The following RBMS1 variants were observed in gnomAD, a reference collection of about 807,000 sequenced individuals.
The protein encoded by RBMS1 is RNA-binding motif, single-stranded-interacting protein 1.
In RBMS1, 17 loss-of-function variants were observed where a neutral mutation model predicts 62.3. That is an observed-to-expected ratio of 0.27 (90% CI 0.19 to 0.41). RBMS1 has a LOEUF of 0.41. RBMS1 is among the 10% of genes least tolerant of loss of function. The probability of loss-of-function intolerance (pLI) is 1.00; values close to 1 mark genes in which losing one functional copy is unlikely to be tolerated. For synonymous variants in RBMS1, 172 were observed against 170.0 expected, an observed-to-expected ratio of 1.01 and a Z score of -0.09; for missense variants, 334 against 504.5, an observed-to-expected ratio of 0.66 and a Z score of 3.24.
intron 2 of RBMS1, among the ~76,000 whole-genome samples, chr2:160,329,816 A>G (rs1032507547): frequency 1.3e-5 from 2 of 151,920 alleles, no homozygotes; most frequent in African/African-American, 4.8e-5. Context: ...GCATTTACCA[A>G]TCTTGTTTTG....
chr2:160,307,284 C>T (rs1038552193), intron 4 of RBMS1, among the ~76,000 whole-genome samples: 1 of 143,076 alleles, frequency 7.0e-6, no homozygotes, highest in African/African-American at 2.6e-5. Flanking sequence ...CATGTGACTG[C>T]AAACTGCTCA....
At chr2:160,486,149 C>T (rs1189315883) in intron 1 of RBMS1, among the ~76,000 whole-genome samples, 1 of 152,080 alleles carries the variant, frequency 6.6e-6, no homozygotes, top group Admixed American at 6.5e-5. Context: ...CAAATATACT[C>T]CCAATTGCAA....
At chr2:160,393,863 G>C (rs1262927898) in intron 1 of RBMS1, among the ~76,000 whole-genome samples, 1 of 151,960 alleles carries the variant, frequency 6.6e-6, no homozygotes, top group African/African-American at 2.4e-5. Flanking sequence ...CTGGGTTCTA[G>C]TCCTGGTTTT....
At chr2:160,282,952 A>T (rs1167421917) in intron 9 of RBMS1, 3 of 152,220 alleles carry the variant, frequency 2.0e-5, no homozygotes, top group Admixed American at 6.5e-5. Context: ...GAAATTCCAT[A>T]TGTATCTTAG....
intron 1 of RBMS1, among the ~76,000 whole-genome samples, chr2:160,436,807 T>C (rs1683130310): frequency 6.6e-6 from 1 of 152,168 alleles, no homozygotes; most frequent in Admixed American, 6.5e-5. Flanking sequence ...TCCTGCTACA[T>C]TCGTCCCATT....
chr2:160,335,689 C>T (rs1054186638), intron 2 of RBMS1, among the ~76,000 whole-genome samples: 2 of 152,176 alleles, frequency 1.3e-5, no homozygotes, highest in Non-Finnish European at 2.9e-5. Flanking sequence ...TTAAAAACTT[C>T]CCAGTCGAGA....
intron 2 of RBMS1, among the ~76,000 whole-genome samples, chr2:160,329,941 T>G (rs1573872211): frequency 6.6e-6 from 1 of 151,994 alleles, no homozygotes; most frequent in Admixed American, 6.6e-5. Flanking sequence ...CCAATGTTGA[T>G]CTGAGGCAAA....
At chr2:160,480,683 T>C (rs1353119727) in intron 1 of RBMS1, among the ~76,000 whole-genome samples, 1 of 152,180 alleles carries the variant, frequency 6.6e-6, no homozygotes, top group Non-Finnish European at 1.5e-5. Flanking sequence ...AGCAGATTTA[T>C]TTTTATGGAA....
intron 1 of RBMS1, among the ~76,000 whole-genome samples, chr2:160,466,585 A>C (rs1574095175): frequency 6.6e-6 from 1 of 152,212 alleles, no homozygotes; most frequent in East Asian, 1.9e-4. Context: ...ACACACACAA[A>C]AACAAAAACA....
At chr2:160,434,276 A>G (rs1368876046) in intron 1 of RBMS1, among the ~76,000 whole-genome samples, 1 of 152,128 alleles carries the variant, frequency 6.6e-6, no homozygotes, top group Non-Finnish European at 1.5e-5. Context: ...ACAAATAAAA[A>G]CCTCTACAAC....
chr2:160,438,796 T>C (rs1468192526), intron 1 of RBMS1, among the ~76,000 whole-genome samples: 1 of 151,892 alleles, frequency 6.6e-6, no homozygotes, highest in Non-Finnish European at 1.5e-5. Flanking sequence ...GACGGGGTGG[T>C]GGCCGGGCAG....
At chr2:160,396,668 C>T (rs952280043) in intron 1 of RBMS1, among the ~76,000 whole-genome samples, 1 of 147,834 alleles carries the variant, frequency 6.8e-6, no homozygotes, top group Non-Finnish European at 1.5e-5. Flanking sequence ...CGGGTTCAAG[C>T]AATTCTCCTG....
intron 1 of RBMS1, among the ~76,000 whole-genome samples, chr2:160,424,308 C>T (rs1014168753): frequency 1.3e-4 from 20 of 151,360 alleles, no homozygotes; most frequent in African/African-American, 3.4e-4. Context: ...CATGAGCCAC[C>T]GCACCCAGCC....
chr2:160,460,624 AAC>A (rs1168135183), intron 1 of RBMS1, among the ~76,000 whole-genome samples: 2 of 152,206 alleles, frequency 1.3e-5, no homozygotes, highest in South Asian at 2.1e-4. Context: ...GCCATTGGAC[AAC>A]CTGTTGCTTT....
At chr2:160,313,512 T>C (rs779180008) in intron 3 of RBMS1, among the ~76,000 whole-genome samples, 2 of 151,726 alleles carry the variant, frequency 1.3e-5, no homozygotes, top group African/African-American at 2.4e-5. Context: ...GTGTCTTGTA[T>C]TTACTGGTGG....
chr2:160,458,764 T>C (rs1684347166), intron 1 of RBMS1, among the ~76,000 whole-genome samples: 1 of 149,780 alleles, frequency 6.7e-6, no homozygotes, highest in Admixed American at 6.7e-5. Flanking sequence ...GCCATTGCAC[T>C]CCAGCTTGGG....
At chr2:160,460,895 C>T (rs1039789605) in intron 1 of RBMS1, among the ~76,000 whole-genome samples, 3 of 152,208 alleles carry the variant, frequency 2.0e-5, no homozygotes, top group Non-Finnish European at 4.4e-5. Context: ...CTCTTGTCAT[C>T]TCCGTCCTTC....
At chr2:160,286,303 C>CTG (rs1559321374) in intron 7 of RBMS1, among the ~76,000 whole-genome samples, 2 of 122,490 alleles carry the variant, frequency 1.6e-5, no homozygotes, top group East Asian at 2.4e-4. Flanking sequence ...TTCTTCCTTT[C>CTG]TTTTTTTTTT....
intron 2 of RBMS1, among the ~76,000 whole-genome samples, chr2:160,318,789 C>G (rs1690379125): frequency 6.6e-6 from 1 of 152,206 alleles, no homozygotes; most frequent in African/African-American, 2.4e-5. Context: ...ATCCTTTTTA[C>G]TGAGGACTTT....
Sources: gnomAD v4.1 joint callset for allele counts (sites outside exome capture counted in the v4.1 genomes callset) on GRCh38, gnomAD v4.1.1 for gene constraint, MANE v1.5 for transcripts, NCBI Gene and HGNC (gene_info 2026-07-23, HGNC 2026-07-21) for gene names.